Variants in OSBPL9 observed in about 807,000 individuals in gnomAD.
OSBPL9 encodes the protein oxysterol-binding protein-related protein 9.
In OSBPL9, 40 loss-of-function variants were observed where a neutral mutation model predicts 106.6. The observed-to-expected ratio is 0.38, with a 90% CI of 0.29 to 0.49. The LOEUF is 0.49. OSBPL9 is among the 20% of genes least tolerant of loss of function. The pLI is 0.97. For synonymous variants in OSBPL9, 269 were observed against 295.4 expected, an observed-to-expected ratio of 0.91 and a Z score of 0.92; for missense variants, 609 against 887.2, an observed-to-expected ratio of 0.69 and a Z score of 3.98.
intron 1 of OSBPL9, among the ~76,000 whole-genome samples, chr1:51,641,449 T>G (rs1645787774): frequency 6.6e-6 from 1 of 152,226 alleles, no homozygotes; most frequent in Non-Finnish European, 1.5e-5. Flanking sequence ...TATAAATACA[T>G]GTTTCTCACA....
At chr1:51,596,822 C>T (rs145307348) in intron 1 of OSBPL9, among the ~76,000 whole-genome samples, 8 of 152,244 alleles carry the variant, frequency 5.3e-5, no homozygotes, top group African/African-American at 1.9e-4. Flanking sequence ...TTAAGGTCCT[C>T]CTATATGCCA....
chr1:51,558,860 A>T, the OSBPL9 span, among the ~76,000 whole-genome samples: 1 of 152,126 alleles, frequency 6.6e-6, no homozygotes, highest in African/African-American at 2.4e-5. Context: ...GGTTATACTC[A>T]TTGTGGCTAG....
intron 2 of OSBPL9, among the ~76,000 whole-genome samples, chr1:51,665,804 C>T (rs1051798270): frequency 1.3e-5 from 2 of 152,188 alleles, no homozygotes; most frequent in East Asian, 1.9e-4. Context: ...ATCTAAAGTA[C>T]GCAGCGAGAA....
chr1:51,652,423 A>G (rs1413973118), intron 2 of OSBPL9, among the ~76,000 whole-genome samples: 4 of 152,208 alleles, frequency 2.6e-5, no homozygotes, highest in African/African-American at 4.8e-5. Flanking sequence ...CCTGTTCAGC[A>G]CTATTTAATC....
chr1:51,724,572 C>T (rs1170277721), intron 4 of OSBPL9, among the ~76,000 whole-genome samples: 2 of 152,168 alleles, frequency 1.3e-5, no homozygotes, highest in African/African-American at 4.8e-5. Flanking sequence ...GTGTGAGCTA[C>T]CACGCCTGGC....
chr1:51,536,152 C>T, the OSBPL9 span, among the ~76,000 whole-genome samples: 2 of 152,120 alleles, frequency 1.3e-5, no homozygotes, highest in Non-Finnish European at 2.9e-5. Flanking sequence ...TTTAAATTGA[C>T]ATAGTGCTTA....
At chr1:51,618,645 A>T (rs1644234680) in intron 1 of OSBPL9, among the ~76,000 whole-genome samples, 1 of 152,154 alleles carries the variant, frequency 6.6e-6, no homozygotes, top group Admixed American at 6.5e-5. Flanking sequence ...AATAGACAGT[A>T]AAAAAGACAT....
chr1:51,532,408 C>T, the OSBPL9 span, among the ~76,000 whole-genome samples: 3 of 151,900 alleles, frequency 2.0e-5, no homozygotes, highest in African/African-American at 4.8e-5. Flanking sequence ...TTGAGAATAC[C>T]GAAGAGGGCT....
intron 4 of OSBPL9, among the ~76,000 whole-genome samples, chr1:51,733,864 A>G (rs1665043087): frequency 6.6e-6 from 1 of 152,178 alleles, no homozygotes; most frequent in East Asian, 1.9e-4. Context: ...GATTAAAATA[A>G]TACTAATAGT....
intron 11 of OSBPL9, among the ~76,000 whole-genome samples, chr1:51,765,347 A>C (rs1672339752): frequency 6.6e-6 from 1 of 152,238 alleles, no homozygotes; most frequent in Admixed American, 6.5e-5. Context: ...ATTGCCAAAA[A>C]ATATTGAATG....
chr1:51,632,555 C>T (rs923144423), intron 1 of OSBPL9, among the ~76,000 whole-genome samples: 4 of 117,364 alleles, frequency 3.4e-5, no homozygotes, highest in African/African-American at 1.3e-4. Flanking sequence ...ATCATTATCA[C>T]AATTAAATAA....
intron 1 of OSBPL9, among the ~76,000 whole-genome samples, chr1:51,579,542 C>T (rs1371423310): frequency 1.3e-5 from 2 of 152,088 alleles, no homozygotes; most frequent in Non-Finnish European, 2.9e-5. Flanking sequence ...AAGCTTATCT[C>T]TTCAGGTGCC....
chr1:51,712,375 A>G lies in OSBPL9; in HGVS notation c.242-1628A>G, dbSNP rs892641235. ...CAGTACAGTCCAGCTTCGGCTCCAC[A>G]TGAGAGGGAGACCGTGGAAAGAGAG... On this transcript the variant is annotated intron_variant, in intron 3 of 23. Coordinates refer to ENST00000428468, the MANE Select transcript of OSBPL9 (RefSeq NM_024586.6). Among the ~76,000 whole-genome samples, 74 of 152,184 alleles carry G rather than the reference A, an allele frequency of 4.9e-4. 1 individual carries two copies. Among genetic ancestry groups the G allele is most frequent in the African/African-American group, 1.7e-3 (72 of 41,434 alleles).
intron 3 of OSBPL9, among the ~76,000 whole-genome samples, chr1:51,712,164 A>G (rs1490958950): frequency 6.6e-6 from 1 of 152,100 alleles, no homozygotes; most frequent in Non-Finnish European, 1.5e-5. Context: ...CAATCCCGGC[A>G]CCTCGGGAGG....
At chr1:51,627,223 G>C (rs1012884140) in intron 1 of OSBPL9, among the ~76,000 whole-genome samples, 1 of 151,884 alleles carries the variant, frequency 6.6e-6, no homozygotes, top group Non-Finnish European at 1.5e-5. Flanking sequence ...CTGTTCTCCA[G>C]CTCCTGGGCT....
the OSBPL9 span, among the ~76,000 whole-genome samples, chr1:51,542,943 C>A: frequency 6.6e-6 from 1 of 152,146 alleles, no homozygotes; most frequent in East Asian, 1.9e-4. Context: ...ACATAGAGGG[C>A]AAACCTATTT....
At chr1:51,654,019 A>G (rs1343484725) in intron 2 of OSBPL9, among the ~76,000 whole-genome samples, 1 of 144,954 alleles carries the variant, frequency 6.9e-6, no homozygotes, top group East Asian at 2.0e-4. Context: ...GAAAAAAAAG[A>G]AAAAAAAAAA....
intron 1 of OSBPL9, among the ~76,000 whole-genome samples, chr1:51,638,836 A>C (rs1220657415): frequency 6.6e-6 from 1 of 151,918 alleles, no homozygotes; most frequent in South Asian, 2.1e-4. Context: ...AAATCTGAAC[A>C]GATGCAGTGG....
chr1:51,755,052 C>T (rs533189262), intron 8 of OSBPL9, among the ~76,000 whole-genome samples: 8 of 152,224 alleles, frequency 5.3e-5, no homozygotes, highest in South Asian at 2.1e-4. Flanking sequence ...AGTGATTCTC[C>T]GTCCTCGGCC....
Sources: allele counts gnomAD v4.1 joint callset (sites outside exome capture counted in the v4.1 genomes callset), GRCh38; gene constraint gnomAD v4.1.1; transcripts MANE v1.5; gene names NCBI Gene and HGNC (gene_info 2026-07-23, HGNC 2026-07-21).